PHF23: variants seen among roughly 807,000 people sequenced by gnomAD.
PHF23 encodes the protein PHD finger protein 23.
In PHF23, 3 loss-of-function variants were observed where a neutral mutation model predicts 36.0. The ratio of observed to expected loss-of-function variants is 0.08; its 90% CI spans 0.04 to 0.22. The LOEUF (loss-of-function observed/expected upper bound fraction) is 0.22, where lower values mean the gene tolerates loss of function less well. Ranked by LOEUF, PHF23 falls within the 10% of genes least tolerant of loss-of-function variation. The probability of loss-of-function intolerance (pLI) is 1.00; values close to 1 mark genes in which losing one functional copy is unlikely to be tolerated. For synonymous variants in PHF23, 242 were observed against 192.5 expected (o/e 1.26, Z -2.13); for missense variants, 475 against 513.6 (o/e 0.92, Z 0.73).
intron 3 of PHF23, among the ~76,000 whole-genome samples, chr17:7,237,045 C>T (rs572733490): frequency 2.6e-5 from 4 of 152,296 alleles, no homozygotes; most frequent in African/African-American, 9.6e-5. Flanking sequence ...CCGTTATGTC[C>T]TTAGCTCTTT....
At position 7,235,326 on chromosome 17, in the gene PHF23, C is replaced by T; in HGVS notation, c.*300G>A. 1 of 442,260 alleles carries T rather than the reference C, an allele frequency of 2.3e-6. No homozygotes were observed. The highest frequency in any genetic ancestry group is 2.3e-5 in the South Asian group (1 of 44,054). 27.4% of individuals were successfully genotyped at this position (442,260 alleles called of 1,614,324 possible). On this transcript the variant is annotated 3_prime_UTR_variant, in exon 5 of 5. Transcript: ENST00000320316. ...AGTTTTATAGACAACTGTCCCATTC[C>T]ATCCCAATTCCAATCCTGACCCAGA...
rs1456843422 is a variant in PHF23, at chr17:7,237,651, G to C, written c.44C>G (p.Pro15Arg). The change falls in exon 2 of 5, where the codon CCG becomes CGG. Residue 15 changes from proline to arginine, a missense_variant. Pro to Arg is a moderately radical substitution (Grantham distance 103, BLOSUM62 -2). Coordinates refer to ENST00000320316, the MANE Select transcript of PHF23 (RefSeq NM_024297.3). ...MAEPSPEDPP[P>R]TLKPETQPPE... Reference sequence around the variant, plus strand: ...CACCTGAGTCTCTGGCTTAAGGGTCGGAGGTGGATCTGGAAAAGCAATAAA... The same window carrying C: ...CACCTGAGTCTCTGGCTTAAGGGTCCGAGGTGGATCTGGAAAAGCAATAAA... The C allele has an allele frequency of 6.2e-7, 1 of 1,613,868 alleles. No homozygotes were observed. Among genetic ancestry groups the C allele is most frequent in the Non-Finnish European group, 8.5e-7 (1 of 1,179,902 alleles).
chr17:7,238,729 T>G (rs1597567496), intron 1 of PHF23: 1 of 1,459,928 alleles, frequency 6.8e-7, no homozygotes, highest in Non-Finnish European at 9.0e-7. Flanking sequence ...CCGGTACAGG[T>G]CCGTCTGCCG....
At chr17:7,239,561 C>G (rs751409413), upstream of PHF23, 5 of 349,788 alleles carry the variant, frequency 1.4e-5, no homozygotes, top group East Asian at 5.7e-5. Flanking sequence ...CCTCCTCCCC[C>G]CGCCGGCGCC....
chr17:7,236,083 G>C lies in PHF23; in HGVS notation c.844C>G (p.Pro282Ala), dbSNP rs745679472. Residue 282 changes from proline (P) to alanine (A), a missense_variant, in exon 4 of 5, where the codon CCT becomes GCT. Pro to Ala is a conservative substitution (Grantham distance 27, BLOSUM62 -1). This residue lies in a region of PHF23 where 350 missense variants were observed against 319.8 expected (regional missense o/e 1.09). Transcript: ENST00000320316. The surrounding 1 kb of genome is among the most constrained non-coding windows in gnomAD (Gnocchi z 5.1). ...GGGTGCACTGTGGCAGGGGGCCTAG[G>C]AGCCTCAGGGGGTGTTGGCAGCACA... Reference protein sequence around the residue: ...VPVLPTPPEAPRPPATVHPEG... With the variant: ...VPVLPTPPEAARPPATVHPEG... 2.5e-6 allele frequency: 4 copies of C among 1,613,574 alleles called. No homozygotes were observed. In the South Asian group the frequency reaches 4.4e-5, roughly 18 times the overall value.
Position 7,237,418 on chromosome 17 carries a change from C to T in PHF23, c.126G>A (p.Leu42=), listed in dbSNP as rs779665479. Residue 42 remains leucine (L), a synonymous_variant, in exon 3 of 5, where the codon TTG becomes TTA. Transcript: ENST00000320316. ...EDFNKFCSFV[L]AYAGYIPPSK... is the part of the protein sequence containing the mutation. ...TAGGGGGAATGTAACCAGCATATGC[C>T]AAAACAAAACTGCAGAATTTGTTGA... 2.5e-6 allele frequency: 4 copies of T among 1,614,028 alleles called. No homozygotes were observed. The highest frequency in any genetic ancestry group is 2.2e-5 in the South Asian group (2 of 91,076).
At position 7,239,453 on chromosome 17, in the gene PHF23, GCACT is replaced by G. The variant is rs1390176845; in HGVS notation, c.-178_-175del. 2 of 410,622 alleles carry G rather than the reference GCACT, an allele frequency of 4.9e-6. No individual in the cohort carries two copies. The highest frequency in any genetic ancestry group is 9.0e-6 in the Non-Finnish European group (2 of 222,884). The allele number at this position is 410,622 out of a possible 1,614,324, so 25.4% of individuals were successfully genotyped here. ...CCACCTCCCTCTACCACTGCCTCCC[GCACT>G]CCCGGACCGGGCCCCCTCCCCCCGC... On this transcript the variant is annotated 5_prime_UTR_variant, in exon 1 of 5. Coordinates refer to ENST00000320316, the MANE Select transcript of PHF23 (RefSeq NM_024297.3).
At chr17:7,238,879 CCCTCACTCAG>C in intron 1 of PHF23, 2 of 1,534,046 alleles carry the variant, frequency 1.3e-6, no homozygotes, top group Non-Finnish European at 1.7e-6. Context: ...ACTACCGGGC[CCCTCACTCAG>C]CCTCTTCTAC....
At chr17:7,240,646 G>T, upstream of PHF23, 1 of 543,702 alleles carries the variant, frequency 1.8e-6, no homozygotes, top group East Asian at 3.1e-5. Flanking sequence ...GCAGAGAAAG[G>T]GGAAGAAAGG....
chr17:7,239,100 T>A, intron 1 of PHF23, 146 bp downstream of exon 1: 1 of 1,047,812 alleles, frequency 9.5e-7, no homozygotes, highest in Non-Finnish European at 1.4e-6. Flanking sequence ...GTCTCTCAAC[T>A]CGTCGCTCTC....
In PHF23 at chr17:7,235,597, T is replaced by C. The variant is rs761695379; in HGVS notation, c.*29A>G. On this transcript the variant is annotated 3_prime_UTR_variant, in exon 5 of 5. Transcript: ENST00000320316. Reference sequence around the variant, plus strand: ...CTCAGTTCCCAAATCATGTTGTCATTTGGAAGTTCCAGGCTAAAGTTGGTG... The same window carrying C: ...CTCAGTTCCCAAATCATGTTGTCATCTGGAAGTTCCAGGCTAAAGTTGGTG... 1 of 1,606,348 alleles carries C rather than the reference T, an allele frequency of 6.2e-7. No individual in the cohort carries two copies. The highest frequency in any genetic ancestry group is 8.5e-7 in the Non-Finnish European group (1 of 1,177,978).
In PHF23 at chr17:7,236,909, T is replaced by A; in HGVS notation, c.160-142A>T. 1 of 1,435,746 alleles carries A rather than the reference T, an allele frequency of 7.0e-7. No individual in the cohort carries two copies. The highest frequency in any genetic ancestry group is 9.1e-7 in the Non-Finnish European group (1 of 1,099,390). 88.9% of individuals were successfully genotyped at this position (1,435,746 alleles called of 1,614,324 possible). A position where few individuals can be genotyped will look rare whatever the true frequency, so the allele number is the denominator to read the frequency against. ...TAAATCCCACTGTACTCCAAAAACT[T>A]CTCCCCACCCCAATTCCCATCAGCA... is the stretch of plus-strand genomic sequence containing the variant. On this transcript the variant is annotated intron_variant, in intron 3 of 4. Coordinates refer to ENST00000320316, the MANE Select transcript of PHF23 (RefSeq NM_024297.3). The surrounding 1 kb of genome is among the most constrained non-coding windows in gnomAD (Gnocchi z 5.1).
Position 7,237,638 on chromosome 17 carries a change from T to C in PHF23, c.57A>G (p.Pro19=), listed in dbSNP as rs2071696194. Residue 19 remains proline, a synonymous_variant, in exon 2 of 5, where the codon CCA becomes CCG. Coordinates refer to ENST00000320316, the MANE Select transcript of PHF23 (RefSeq NM_024297.3). ...SPEDPPPTLK[P]ETQPPEKRRR... ...GTAAGGCAAACCTCACCTGAGTCTCTGGCTTAAGGGTCGGAGGTGGATCTG... is the reference window on the plus strand; with the variant it reads ...GTAAGGCAAACCTCACCTGAGTCTCCGGCTTAAGGGTCGGAGGTGGATCTG... 6.2e-7 allele frequency: 1 copy of C among 1,613,988 alleles called. No homozygotes were observed.
Position 7,236,471 on chromosome 17 carries a change from T to A in PHF23, c.456A>T (p.Thr152=), listed in dbSNP as rs1414984123. The A allele has an allele frequency of 6.2e-7, 1 of 1,613,740 alleles. No individual in the cohort carries two copies. The highest frequency in any genetic ancestry group is 2.2e-5 in the East Asian group (1 of 44,864). The change falls in exon 4 of 5, where the codon ACA becomes ACT. Residue 152 remains threonine (T), a synonymous_variant. Coordinates refer to ENST00000320316, the MANE Select transcript of PHF23 (RefSeq NM_024297.3). This position sits in a 1 kb window ranked among gnomAD's most constrained non-coding sequence, Gnocchi z 5.1. ...GGGGCCGGGAGGTATGTGTCAGGGA[T>A]GTGGGGGACAAAGGAGATGCCACTT... The part of the protein sequence containing the change: ...GPKVASPLSP[T]SLTHTSRPPA...
Position 7,239,238 on chromosome 17 carries a change from G to T in PHF23, c.34+8C>A. The stretch of plus-strand genomic sequence containing the variant: ...CGGCTCAGCGCTCTGCACCGGTCGA[G>T]AGCTCACCTTCGGGACTGGGCTCCG... On this transcript the variant is annotated splice_region_variant and intron_variant, in intron 1 of 4. Coordinates refer to ENST00000320316, the MANE Select transcript of PHF23 (RefSeq NM_024297.3). 1 of 1,545,532 alleles carries T rather than the reference G, an allele frequency of 6.5e-7. No individual in the cohort carries two copies. The highest frequency in any genetic ancestry group is 2.3e-5 in the East Asian group (1 of 42,924).
rs547517697 is a variant in PHF23, at chr17:7,239,090, GTC to G, written c.34+154_34+155del. On this transcript the variant is annotated intron_variant, in intron 1 of 4. Coordinates refer to ENST00000320316, the MANE Select transcript of PHF23 (RefSeq NM_024297.3). ...AGTTTCCCACTCCTCTTTCTCCAAG[GTC>G]TCTCAACTCGTCGCTCTCCCACCTC... is the stretch of plus-strand genomic sequence containing the variant. Among the ~76,000 whole-genome samples, 10 of 151,848 alleles carry G rather than the reference GTC, an allele frequency of 6.6e-5. No homozygotes were observed. The South Asian group carries it at 1.0e-3, about 16-fold the overall frequency.
Position 7,237,879 on chromosome 17 carries a change from C to T in PHF23, c.35-219G>A, listed in dbSNP as rs546604249. ...CCTCTGAGGCCTCGCTATAGCGCTC[C>T]CCTTCCCCCAACCGGAGGCCCGGCG... On this transcript the variant is annotated intron_variant, in intron 1 of 4. Coordinates refer to ENST00000320316, the MANE Select transcript of PHF23 (RefSeq NM_024297.3). 6 of 584,616 alleles carry T rather than the reference C, an allele frequency of 1.0e-5. No homozygotes were observed. In the East Asian group the frequency reaches 1.4e-4, roughly 14 times the overall value. 36.2% of individuals were successfully genotyped at this position (584,616 alleles called of 1,614,324 possible). A position where few individuals can be genotyped will look rare whatever the true frequency, so the allele number is the denominator to read the frequency against.
At position 7,237,653 on chromosome 17, in the gene PHF23, A is replaced by G; in HGVS notation, c.42T>C (p.Pro14=). 1 of 1,613,908 alleles carries G rather than the reference A, an allele frequency of 6.2e-7. No individual in the cohort carries two copies. Among genetic ancestry groups the G allele is most frequent in the Non-Finnish European group, 8.5e-7 (1 of 1,179,916 alleles). Residue 14 remains proline, a synonymous_variant, in exon 2 of 5, where the codon CCT becomes CCC. Coordinates refer to ENST00000320316, the MANE Select transcript of PHF23 (RefSeq NM_024297.3). ...AMAEPSPEDP[P]PTLKPETQPP... ...CCTGAGTCTCTGGCTTAAGGGTCGG[A>G]GGTGGATCTGGAAAAGCAATAAAAG...
upstream of PHF23, chr17:7,240,775 A>C (rs2071767790): frequency 1.1e-6 from 1 of 903,196 alleles, no homozygotes. Context: ...TTTGAGCTTG[A>C]AGGAGGAGGA....
Sources: allele counts gnomAD v4.1 joint callset (sites outside exome capture counted in the v4.1 genomes callset), GRCh38; gene constraint gnomAD v4.1.1; regional missense constraint gnomAD v4.1.1; non-coding constraint Gnocchi (gnomAD v3.1); transcripts MANE v1.5; gene names NCBI Gene and HGNC (gene_info 2026-07-23, HGNC 2026-07-21).